The following KCNQ5 variants were observed in gnomAD, a reference collection of about 807,000 sequenced individuals.
KCNQ5 encodes potassium voltage-gated channel subfamily Q member 5.
In KCNQ5, 30 loss-of-function variants were observed where a neutral mutation model predicts 98.2. The observed-to-expected ratio is 0.31, with a 90% CI of 0.23 to 0.41. The LOEUF (loss-of-function observed/expected upper bound fraction) is 0.41, where lower values mean the gene tolerates loss of function less well. KCNQ5 is among the 10% of genes least tolerant of loss of function. The pLI, the probability that KCNQ5 is intolerant of heterozygous loss-of-function variation, is 1.00. For synonymous variants in KCNQ5, 458 were observed against 449.4 expected, an observed-to-expected ratio of 1.02 and a Z score of -0.24; for missense variants, 835 against 1,182.5, an observed-to-expected ratio of 0.71 and a Z score of 4.31.
intron 5 of KCNQ5, among the ~76,000 whole-genome samples, chr6:73,100,985 G>C (rs1415992268): frequency 1.3e-5 from 2 of 151,986 alleles, no homozygotes; most frequent in Non-Finnish European, 2.9e-5. Flanking sequence ...TGAGATTGAA[G>C]CCATAAAAAA....
intron 3 of KCNQ5, among the ~76,000 whole-genome samples, chr6:73,064,000 G>A (rs542897981): frequency 6.6e-6 from 1 of 152,156 alleles, no homozygotes; most frequent in African/African-American, 2.4e-5. Flanking sequence ...GAAAAATATT[G>A]AGAGCCAGGT....
At chr6:73,026,141 C>G (rs551203402) in intron 2 of KCNQ5, among the ~76,000 whole-genome samples, 113 of 152,290 alleles carry the variant, frequency 7.4e-4, no homozygotes, top group Non-Finnish European at 1.4e-3. Context: ...CTACCAAAAC[C>G]TGGTGAGGGA....
At chr6:72,916,811 T>C (rs1245016721) in intron 1 of KCNQ5, among the ~76,000 whole-genome samples, 3 of 152,214 alleles carry the variant, frequency 2.0e-5, no homozygotes, top group Admixed American at 2.0e-4. Flanking sequence ...CATTTCTGCC[T>C]CTGGCAATGA....
intron 11 of KCNQ5, among the ~76,000 whole-genome samples, chr6:73,179,438 T>G (rs964864682): frequency 6.6e-6 from 1 of 152,178 alleles, no homozygotes; most frequent in Non-Finnish European, 1.5e-5. Context: ...ATCCATAATT[T>G]ATTCATACAG....
intron 1 of KCNQ5, among the ~76,000 whole-genome samples, chr6:72,736,647 C>G (rs1456888358): frequency 2.7e-5 from 4 of 148,170 alleles, no homozygotes; most frequent in African/African-American, 7.6e-5. Flanking sequence ...CTACAGGCGC[C>G]CGCCACCACG....
chr6:73,068,775 A>C (rs1316554955), intron 3 of KCNQ5, among the ~76,000 whole-genome samples: 1 of 152,172 alleles, frequency 6.6e-6, no homozygotes, highest in Non-Finnish European at 1.5e-5. Flanking sequence ...ACTGCTACTA[A>C]TAGTGTTAGG....
At chr6:73,053,573 T>C (rs531489589) in intron 3 of KCNQ5, among the ~76,000 whole-genome samples, 8 of 151,908 alleles carry the variant, frequency 5.3e-5, no homozygotes, top group African/African-American at 1.9e-4. Flanking sequence ...TAGAAATTAA[T>C]GGAAATTAAC....
intron 1 of KCNQ5, among the ~76,000 whole-genome samples, chr6:72,776,176 T>C (rs1773153951): frequency 6.6e-6 from 1 of 152,200 alleles, no homozygotes; most frequent in Non-Finnish European, 1.5e-5. Context: ...GAGTAGGCAC[T>C]GTGTTACACC....
At chr6:73,132,367 T>C (rs1167390280) in intron 9 of KCNQ5, among the ~76,000 whole-genome samples, 1 of 151,906 alleles carries the variant, frequency 6.6e-6, no homozygotes, top group Non-Finnish European at 1.5e-5. Flanking sequence ...CACCTTCTAA[T>C]GAATGGCATA....
chr6:72,800,764 G>A (rs1774603850), intron 1 of KCNQ5, among the ~76,000 whole-genome samples: 1 of 152,172 alleles, frequency 6.6e-6, no homozygotes, highest in African/African-American at 2.4e-5. Context: ...TGGGCATTTA[G>A]TGCTATAAAT....
chr6:72,859,327 AT>A (rs542914702), intron 1 of KCNQ5, among the ~76,000 whole-genome samples: 15 of 152,292 alleles, frequency 9.8e-5, no homozygotes, highest in Middle Eastern at 3.4e-3. Flanking sequence ...TAGAAATTAT[AT>A]TTTTTTAAGC....
At chr6:73,079,495 G>A (rs1446330874) in intron 5 of KCNQ5, among the ~76,000 whole-genome samples, 1 of 152,112 alleles carries the variant, frequency 6.6e-6, no homozygotes, top group East Asian at 1.9e-4. Flanking sequence ...GTCAGAGAGG[G>A]GGAAAATTTG....
At chr6:73,034,391 A>G (rs1771296630) in intron 2 of KCNQ5, among the ~76,000 whole-genome samples, 1 of 152,260 alleles carries the variant, frequency 6.6e-6, no homozygotes, top group Admixed American at 6.5e-5. Context: ...CAGCTCTTCA[A>G]GAATTGCTGC....
chr6:73,110,406 A>C (rs1235221059), intron 6 of KCNQ5, among the ~76,000 whole-genome samples: 1 of 152,204 alleles, frequency 6.6e-6, no homozygotes, highest in Non-Finnish European at 1.5e-5. Flanking sequence ...AGACCAGAGC[A>C]AATTGAAAAG....
intron 1 of KCNQ5, among the ~76,000 whole-genome samples, chr6:72,895,216 G>A (rs1457626718): frequency 6.6e-6 from 1 of 150,750 alleles, no homozygotes; most frequent in Non-Finnish European, 1.5e-5. Flanking sequence ...GTGAACCCAG[G>A]AGGCGGAGCT....
intron 1 of KCNQ5, among the ~76,000 whole-genome samples, chr6:72,758,043 G>A (rs149968884): frequency 6.8e-4 from 104 of 152,096 alleles, no homozygotes; most frequent in Non-Finnish European, 1.1e-3. Flanking sequence ...CAGTCTAAGT[G>A]CTGCAGGAGG....
At chr6:72,742,246 A>T (rs1771166507) in intron 1 of KCNQ5, among the ~76,000 whole-genome samples, 1 of 152,172 alleles carries the variant, frequency 6.6e-6, no homozygotes, top group Admixed American at 6.5e-5. Flanking sequence ...GGTCATTTGA[A>T]TTTTTAATGC....
chr6:73,063,408 T>C (rs899762453), intron 3 of KCNQ5, among the ~76,000 whole-genome samples: 1 of 152,118 alleles, frequency 6.6e-6, no homozygotes, highest in Admixed American at 6.5e-5. Flanking sequence ...CATTATCTTG[T>C]ACAAGCTTCT....
intron 1 of KCNQ5, among the ~76,000 whole-genome samples, chr6:72,935,744 A>G (rs1481023765): frequency 6.6e-6 from 1 of 152,094 alleles, no homozygotes; most frequent in Non-Finnish European, 1.5e-5. Flanking sequence ...ACTGTAATTC[A>G]TTCCTACTGA....
Sources: gnomAD v4.1 joint callset for allele counts (sites outside exome capture counted in the v4.1 genomes callset) on GRCh38, gnomAD v4.1.1 for gene constraint, MANE v1.5 for transcripts, NCBI Gene and HGNC (gene_info 2026-07-23, HGNC 2026-07-21) for gene names.